Variants in RNF130 observed in about 807,000 individuals in gnomAD.
RNF130 encodes E3 ubiquitin-protein ligase RNF130.
In RNF130, 21 loss-of-function variants were observed where a neutral mutation model predicts 44.6. The ratio of observed to expected loss-of-function variants is 0.47; its 90% CI spans 0.33 to 0.68. RNF130 has a LOEUF of 0.68. RNF130 is among the 30% of genes least tolerant of loss of function. The pLI is 0.02. For missense variants in RNF130, 479 were observed against 560.6 expected (o/e 0.85, Z 1.47); for synonymous variants, 214 against 210.4 (o/e 1.02, Z -0.15).
intron 3 of RNF130, among the ~76,000 whole-genome samples, chr5:179,982,803 G>A (rs1006356269): frequency 2.6e-5 from 4 of 152,090 alleles, no homozygotes; most frequent in East Asian, 1.9e-4. Context: ...AGGCTGGTCC[G>A]AAACTTCTTG....
At chr5:179,924,894 G>A (rs1381334278) in intron 7 of RNF130, among the ~76,000 whole-genome samples, 5 of 152,254 alleles carry the variant, frequency 3.3e-5, no homozygotes, top group African/African-American at 9.6e-5. Flanking sequence ...TAAAATATGA[G>A]CTATTTCATT....
chr5:180,024,088 G>A (rs1238470061), intron 2 of RNF130, among the ~76,000 whole-genome samples: 2 of 152,200 alleles, frequency 1.3e-5, no homozygotes, highest in Admixed American at 1.3e-4. Flanking sequence ...ACATGTCCCA[G>A]TTGAAGGACA....
chr5:179,999,314 C>A (rs911506058), intron 3 of RNF130, among the ~76,000 whole-genome samples: 2 of 152,116 alleles, frequency 1.3e-5, no homozygotes, highest in African/African-American at 4.8e-5. Context: ...AGCCACCACG[C>A]CTGGCCTGTT....
At chr5:180,005,447 A>ACAC (rs947297953) in intron 3 of RNF130, among the ~76,000 whole-genome samples, 4 of 151,960 alleles carry the variant, frequency 2.6e-5, no homozygotes, top group East Asian at 1.9e-4. Context: ...AACAACAACA[A>ACAC]CACCAACAGA....
At chr5:180,030,114 T>C (rs1320221705) in intron 2 of RNF130, among the ~76,000 whole-genome samples, 1 of 151,852 alleles carries the variant, frequency 6.6e-6, no homozygotes, top group Non-Finnish European at 1.5e-5. Context: ...TCCTGAAGCG[T>C]TGGGATTACA....
intron 7 of RNF130, among the ~76,000 whole-genome samples, chr5:179,935,310 T>C (rs1761873759): frequency 6.6e-6 from 1 of 152,194 alleles, no homozygotes; most frequent in Non-Finnish European, 1.5e-5. Flanking sequence ...AAATAATCTA[T>C]GTGTACTTAA....
chr5:179,920,849 G>C (rs1328111944), intron 7 of RNF130, among the ~76,000 whole-genome samples: 2 of 150,230 alleles, frequency 1.3e-5, no homozygotes, highest in Non-Finnish European at 2.9e-5. Context: ...GAGTGCAGTA[G>C]TGTGATCTTG....
At chr5:180,041,918 A>C (rs938814910) in intron 1 of RNF130, among the ~76,000 whole-genome samples, 1 of 152,162 alleles carries the variant, frequency 6.6e-6, no homozygotes, top group Non-Finnish European at 1.5e-5. Context: ...ATACAAAAAA[A>C]TTAGCTGGGT....
intron 2 of RNF130, among the ~76,000 whole-genome samples, chr5:180,024,247 A>G (rs1214796623): frequency 6.6e-6 from 1 of 152,226 alleles, no homozygotes; most frequent in Admixed American, 6.5e-5. Flanking sequence ...CTAGAACAGA[A>G]AAAAAACTAG....
intron 7 of RNF130, among the ~76,000 whole-genome samples, chr5:179,948,804 C>T (rs1762083402): frequency 6.6e-6 from 1 of 152,142 alleles, no homozygotes; most frequent in African/African-American, 2.4e-5. Context: ...AAGTGACAAC[C>T]TAGCTAGCCA....
intron 1 of RNF130, among the ~76,000 whole-genome samples, chr5:180,059,437 C>T (rs1317104552): frequency 1.3e-5 from 2 of 152,232 alleles, no homozygotes; most frequent in South Asian, 2.1e-4. Flanking sequence ...TTCCCCCCAC[C>T]AGACAGCAAC....
At chr5:179,939,031 C>T (rs1432533270) in intron 7 of RNF130, among the ~76,000 whole-genome samples, 1 of 152,090 alleles carries the variant, frequency 6.6e-6, no homozygotes, top group Non-Finnish European at 1.5e-5. Flanking sequence ...GAGTTCAAGA[C>T]CAGCCTGGCC....
chr5:180,041,125 T>G (rs576362724), intron 1 of RNF130, among the ~76,000 whole-genome samples: 1 of 152,280 alleles, frequency 6.6e-6, no homozygotes, highest in East Asian at 1.9e-4. Flanking sequence ...AAAATAATCC[T>G]CGGTTCAGTT....
chr5:180,038,374 C>T (rs1173596938), intron 2 of RNF130, among the ~76,000 whole-genome samples: 1 of 148,948 alleles, frequency 6.7e-6, no homozygotes, highest in Admixed American at 6.8e-5. Flanking sequence ...GAGTTAGACC[C>T]TGTCTCGGGG....
chr5:180,060,837 A>G (rs1217904217), intron 1 of RNF130, among the ~76,000 whole-genome samples: 3 of 152,134 alleles, frequency 2.0e-5, no homozygotes, highest in African/African-American at 7.2e-5. Flanking sequence ...TGGGAGGCCG[A>G]GGTGGGCGGA....
chr5:180,005,912 C>G (rs993409163), intron 3 of RNF130, among the ~76,000 whole-genome samples: 1 of 152,132 alleles, frequency 6.6e-6, no homozygotes, highest in Admixed American at 6.5e-5. Flanking sequence ...AATTATCTTG[C>G]AAACACTATG....
intron 3 of RNF130, among the ~76,000 whole-genome samples, chr5:180,000,768 A>G (rs1763316108): frequency 6.6e-6 from 1 of 152,078 alleles, no homozygotes; most frequent in African/African-American, 2.4e-5. Context: ...TCCTGTTTAT[A>G]TTGTGAACTG....
chr5:179,939,234 T>C (rs1249900919), intron 7 of RNF130, among the ~76,000 whole-genome samples: 1 of 151,250 alleles, frequency 6.6e-6, no homozygotes, highest in Admixed American at 6.6e-5. Flanking sequence ...AATAAATAAA[T>C]AAATAAAAGT....
intron 8 of RNF130, among the ~76,000 whole-genome samples, chr5:179,960,222 C>T (rs918499237): frequency 6.6e-6 from 1 of 152,078 alleles, no homozygotes; most frequent in African/African-American, 2.4e-5. Context: ...ACTAAGAAAC[C>T]GAGGTGTGAG....
Sources: gnomAD v4.1 joint callset for allele counts (sites outside exome capture counted in the v4.1 genomes callset) on GRCh38, gnomAD v4.1.1 for gene constraint, MANE v1.5 for transcripts, NCBI Gene and HGNC (gene_info 2026-07-23, HGNC 2026-07-21) for gene names.